The following AMZ1 variants were observed in gnomAD, a reference collection of about 807,000 sequenced individuals.
AMZ1 encodes archaelysin family metallopeptidase 1, also known as archaemetzincin-1.
In AMZ1, 39 loss-of-function variants were observed where a neutral mutation model predicts 29.9. The ratio of observed to expected loss-of-function variants is 1.30; its 90% confidence interval spans 1.01 to 1.70. The LOEUF is 1.70. Ranked by LOEUF, AMZ1 falls within the 40% of genes most tolerant of loss-of-function variation. The pLI is 0.00. For missense variants in AMZ1, 1,041 were observed against 680.6 expected, an observed-to-expected ratio of 1.53 and a Z score of -5.89; for synonymous variants, 458 against 304.0, an observed-to-expected ratio of 1.51 and a Z score of -5.27.
At chr7:2,688,577 T>A (rs914540209) in intron 1 of AMZ1, among the ~76,000 whole-genome samples, 26 of 152,100 alleles carry the variant, frequency 1.7e-4, no homozygotes, top group African/African-American at 6.0e-4. Context: ...CTCCCCGCCA[T>A]CCTCTCCCAG....
At chr7:2,742,283 T>C (rs892209350) in intron 4 of AMZ1, among the ~76,000 whole-genome samples, 1 of 152,154 alleles carries the variant, frequency 6.6e-6, no homozygotes, top group African/African-American at 2.4e-5. Flanking sequence ...CCCAAAGTGC[T>C]GGGATTACAG....
chr7:2,684,048 C>G (rs1007413802), upstream of AMZ1, among the ~76,000 whole-genome samples: 1 of 151,812 alleles, frequency 6.6e-6, no homozygotes, highest in African/African-American at 2.4e-5. Context: ...CTTGGTGGCA[C>G]GCGCCTATAA....
At chr7:2,680,783 G>A (rs960260328) in intron 1 of AMZ1, among the ~76,000 whole-genome samples, 6 of 152,240 alleles carry the variant, frequency 3.9e-5, no homozygotes, top group Non-Finnish European at 7.3e-5. Flanking sequence ...CTCACTGGGG[G>A]CTCCTTCCCA....
rs1393299603 is a variant in AMZ1 at position 2,731,222 on chromosome 7, T to C, written n.550+21406T>C. 1.2e-6 allele frequency: 2 copies of C among 1,613,202 alleles called. No individual in the cohort carries two copies. Among genetic ancestry groups the C allele is most frequent in the Non-Finnish European group, 1.7e-6 (2 of 1,179,642 alleles). ...TCCTTCAGGTTCTCCTGCAGGATGG[T>C]GTCTTTCACAGCATGGAACACGAAG... is the stretch of plus-strand genomic sequence containing the variant. On this transcript the variant is annotated intron_variant and non_coding_transcript_variant, in intron 4 of 4. Transcript: ENST00000489665. This position sits in a 1 kb window ranked among gnomAD's most constrained non-coding sequence, Gnocchi z 6.0.
chr7:2,689,299 A>G (rs1787241785), intron 1 of AMZ1, among the ~76,000 whole-genome samples: 1 of 152,134 alleles, frequency 6.6e-6, no homozygotes, highest in Non-Finnish European at 1.5e-5. Context: ...GGTTTAGGGC[A>G]GCCTGACCTT....
chr7:2,685,775 C>T (rs1230783800), upstream of AMZ1, among the ~76,000 whole-genome samples: 1 of 150,210 alleles, frequency 6.7e-6, no homozygotes, highest in Non-Finnish European at 1.5e-5. Flanking sequence ...ATGGTGTGAA[C>T]CCGGGAGGTG....
intron 6 of AMZ1, 128 bp downstream of exon 6, chr7:2,709,944 T>G (rs1238750490): frequency 9.5e-5 from 123 of 1,298,364 alleles, no homozygotes; most frequent in Admixed American, 2.5e-5. Context: ...TTCCAGGCAG[T>G]GCAGAGCCCT....
chr7:2,682,656 G>T (rs1232926678), intron 1 of AMZ1, among the ~76,000 whole-genome samples: 3 of 152,264 alleles, frequency 2.0e-5, no homozygotes, highest in East Asian at 3.9e-4. Context: ...GGAGACCTCA[G>T]TGTCGGGCCA....
At chr7:2,736,345 C>G (rs1389759948) in intron 4 of AMZ1, among the ~76,000 whole-genome samples, 1 of 152,174 alleles carries the variant, frequency 6.6e-6, no homozygotes, top group East Asian at 1.9e-4. Flanking sequence ...ACCTACACCA[C>G]TCAAGATTAA....
intron 1 of AMZ1, among the ~76,000 whole-genome samples, chr7:2,682,451 A>G (rs1786917015): frequency 6.6e-6 from 1 of 152,158 alleles, no homozygotes; most frequent in South Asian, 2.1e-4. Flanking sequence ...ACAGTGCTCC[A>G]GCGACAGCTC....
intron 4 of AMZ1, among the ~76,000 whole-genome samples, chr7:2,733,198 T>A (rs1789987317): frequency 6.6e-6 from 1 of 152,210 alleles, no homozygotes; most frequent in African/African-American, 2.4e-5. Context: ...AAGGAAGTCC[T>A]CCTTTCACTC....
chr7:2,694,680 A>AT (rs933136949), intron 1 of AMZ1, among the ~76,000 whole-genome samples: 24 of 121,636 alleles, frequency 2.0e-4, no homozygotes, highest in Admixed American at 4.3e-4. Flanking sequence ...TATTTTATTT[A>AT]TTTTTTTTTT....
intron 4 of AMZ1, among the ~76,000 whole-genome samples, chr7:2,737,289 G>GTTTTTTTTTTTTTTTTTTTTT (rs11389467): frequency 2.7e-4 from 17 of 62,312 alleles, no homozygotes; most frequent in Non-Finnish European, 3.2e-4. Context: ...TTTTTTTTTT[G>GTTTTTTTTTTTTTTTTTTTTT]TTTTTTTTTT....
rs1385227087 is a variant in AMZ1, at chr7:2,709,688, T to G, written c.820T>G (p.Trp274Gly). 6.2e-7 allele frequency: 1 copy of G among 1,610,754 alleles called. No individual in the cohort carries two copies. Among genetic ancestry groups the G allele is most frequent in the Non-Finnish European group, 8.5e-7 (1 of 1,179,758 alleles). ...CCTTCTGGGCCTGGGGAACTGCCGC[T>G]GGCTCCGCTGCCTCATGCAGGGTGC... ...CHLLGLGNCR[W>G]LRCLMQGALS... The change falls in exon 6 of 7, where the codon TGG (tryptophan) becomes GGG (glycine). Residue 274 changes from tryptophan to glycine, a missense_variant. Trp to Gly is a radical substitution (Grantham distance 184). Coordinates refer to ENST00000683327, the MANE Select transcript of AMZ1 (RefSeq NM_001384743.1).
At chr7:2,754,512 G>A (rs1791196612) in intron 4 of AMZ1, among the ~76,000 whole-genome samples, 1 of 151,946 alleles carries the variant, frequency 6.6e-6, no homozygotes, top group African/African-American at 2.4e-5. Flanking sequence ...GGAGGCCAGG[G>A]CAGGAAGATC....
rs1187462217 is a variant in AMZ1, at chr7:2,712,842, G to A, written c.1461G>A (p.Glu487=). Residue 487 remains glutamate (E), a synonymous_variant, in exon 7 of 7, where the codon GAG becomes GAA. Transcript: ENST00000683327. ...KLSARKLARA[E]SAPRPWDGEE... is the part of the protein sequence containing the mutation. ...GTGCCCGAAAACTCGCCAGAGCAGA[G>A]TCGGCCCCCCGTCCCTGGGATGGGG... is the stretch of plus-strand genomic sequence containing the variant. The A allele has an allele frequency of 6.5e-7, 1 of 1,528,340 alleles. No individual in the cohort carries two copies. The highest frequency in any genetic ancestry group is 8.8e-7 in the Non-Finnish European group (1 of 1,137,600). The allele number at this position is 1,528,340 out of a possible 1,614,324, so 94.7% of individuals were successfully genotyped here.
rs780640776 is a variant in AMZ1 at position 2,731,249 on chromosome 7, G to A, written n.550+21433G>A. 2.5e-6 allele frequency: 4 copies of A among 1,613,862 alleles called. No individual in the cohort carries two copies. The highest frequency in any genetic ancestry group is 2.2e-5 in the South Asian group (2 of 91,058). On this transcript the variant is annotated intron_variant and non_coding_transcript_variant, in intron 4 of 4. Coordinates refer to the AMZ1 transcript ENST00000489665. This position sits in a 1 kb window ranked among gnomAD's most constrained non-coding sequence, Gnocchi z 6.0. ...TCTTTCACAGCATGGAACACGAAGC[G>A]GACGTTCTCGGTGTCGATGGCGGTG...
intron 3 of AMZ1, 78 bp from the exon 4 acceptor site, chr7:2,708,510 A>G (rs1004703111): frequency 7.9e-5 from 126 of 1,586,246 alleles, no homozygotes; most frequent in East Asian, 1.6e-4. Context: ...GAAGAGGATG[A>G]CGGGGTGCCA....
At chr7:2,753,101 T>C (rs1246767163) in intron 4 of AMZ1, among the ~76,000 whole-genome samples, 1 of 152,178 alleles carries the variant, frequency 6.6e-6, no homozygotes, top group African/African-American at 2.4e-5. Context: ...TTTCTGTTCC[T>C]ATAGTTTTGC....
Sources: gnomAD v4.1 joint callset for allele counts (sites outside exome capture counted in the v4.1 genomes callset) on GRCh38, gnomAD v4.1.1 for gene constraint, Gnocchi (gnomAD v3.1) non-coding constraint, MANE v1.5 for transcripts, NCBI Gene and HGNC (gene_info 2026-07-23, HGNC 2026-07-21) for gene names.